RBFOX1: variants seen among roughly 807,000 people sequenced by gnomAD.
RBFOX1 encodes the protein RNA binding fox-1 homolog 1.
RBFOX1 carries 8 observed loss-of-function variants against 57.7 expected under a neutral mutation model. The observed-to-expected ratio is 0.14, with a 90% CI of 0.08 to 0.25. RBFOX1 has a LOEUF of 0.25. Among genes scored for constraint, RBFOX1 ranks in the 10% least tolerant of loss-of-function variants. The pLI is 1.00. For synonymous variants in RBFOX1, 326 were observed against 222.4 expected (o/e 1.47, Z -4.15); for missense variants, 611 against 548.5 (o/e 1.11, Z -1.14).
chr16:5,978,228 C>G (rs1388320752), intron 4 of RBFOX1, among the ~76,000 whole-genome samples: 1 of 144,460 alleles, frequency 6.9e-6, no homozygotes, highest in Non-Finnish European at 1.5e-5. Context: ...GTGGGAGGAT[C>G]ACTTGCACCC....
intron 2 of RBFOX1, among the ~76,000 whole-genome samples, chr16:6,615,456 A>G (rs574729650): frequency 2.0e-5 from 3 of 152,052 alleles, no homozygotes; most frequent in African/African-American, 7.2e-5. Flanking sequence ...TGTAATCCCA[A>G]CTACTTGGGA....
At chr16:6,363,257 A>T (rs538162847) in intron 2 of RBFOX1, among the ~76,000 whole-genome samples, 85 of 152,302 alleles carry the variant, frequency 5.6e-4, no homozygotes, top group African/African-American at 2.0e-3. Context: ...TAGTAAACTT[A>T]GTAAAGCACC....
intron 3 of RBFOX1, among the ~76,000 whole-genome samples, chr16:5,865,133 G>A (rs917256619): frequency 1.3e-5 from 2 of 152,190 alleles, no homozygotes; most frequent in Admixed American, 1.3e-4. Context: ...AAACTCTTTT[G>A]CCCATGGAGC....
chr16:7,600,736 T>G (rs928414642), intron 9 of RBFOX1, among the ~76,000 whole-genome samples: 1 of 152,210 alleles, frequency 6.6e-6, no homozygotes, highest in Non-Finnish European at 1.5e-5. Flanking sequence ...AGAAAAACTT[T>G]TAGCAGCTGC....
chr16:5,629,748 C>G (rs1300427803), intron 3 of RBFOX1, among the ~76,000 whole-genome samples: 1 of 152,186 alleles, frequency 6.6e-6, no homozygotes, highest in Non-Finnish European at 1.5e-5. Flanking sequence ...AGCCGAAGGA[C>G]CTGACGTCAG....
At chr16:6,555,285 C>G (rs776345206) in intron 2 of RBFOX1, among the ~76,000 whole-genome samples, 16 of 152,304 alleles carry the variant, frequency 1.1e-4, no homozygotes, top group Admixed American at 6.5e-4. Context: ...CAAATCCTAT[C>G]CATTGGGCAT....
chr16:6,410,186 G>GTGTA, intron 2 of RBFOX1, among the ~76,000 whole-genome samples: 1 of 151,476 alleles, frequency 6.6e-6, no homozygotes, highest in African/African-American at 2.4e-5. Flanking sequence ...GTGTGTGTGT[G>GTGTA]TGTGTGTGTG....
intron 3 of RBFOX1, among the ~76,000 whole-genome samples, chr16:5,612,067 C>G (rs1281343162): frequency 1.3e-5 from 2 of 151,538 alleles, no homozygotes; most frequent in African/African-American, 2.4e-5. Context: ...TCCATCTAGT[C>G]TCCCACCCAC....
chr16:6,524,070 T>C (rs1326294463), intron 2 of RBFOX1, among the ~76,000 whole-genome samples: 1 of 152,216 alleles, frequency 6.6e-6, no homozygotes, highest in African/African-American at 2.4e-5. Flanking sequence ...AGTCACCCTG[T>C]TGTGCTATCA....
At chr16:7,338,833 G>C (rs973145473) in intron 4 of RBFOX1, among the ~76,000 whole-genome samples, 1 of 152,150 alleles carries the variant, frequency 6.6e-6, no homozygotes, top group African/African-American at 2.4e-5. Context: ...AAAAACAACA[G>C]CTTGTTTGGC....
chr16:5,830,752 G>T (rs371649591), intron 3 of RBFOX1, among the ~76,000 whole-genome samples: 1 of 152,150 alleles, frequency 6.6e-6, no homozygotes, highest in Non-Finnish European at 1.5e-5. Context: ...TGTGCCTGCT[G>T]GACCTTGTGC....
At chr16:5,659,934 A>G (rs945749098) in intron 3 of RBFOX1, among the ~76,000 whole-genome samples, 3 of 152,180 alleles carry the variant, frequency 2.0e-5, no homozygotes, top group East Asian at 1.9e-4. Flanking sequence ...TTGTTATTTA[A>G]TGCATTAATA....
chr16:6,823,723 T>C (rs1442577379), intron 3 of RBFOX1, among the ~76,000 whole-genome samples: 2 of 152,220 alleles, frequency 1.3e-5, no homozygotes, highest in Non-Finnish European at 2.9e-5. Context: ...CATTCAATAT[T>C]TACCACCAAT....
chr16:5,715,235 C>T (rs1384989009), intron 3 of RBFOX1, among the ~76,000 whole-genome samples: 1 of 152,116 alleles, frequency 6.6e-6, no homozygotes, highest in Non-Finnish European at 1.5e-5. Context: ...ATCAGGTCTG[C>T]CTTATTTCGA....
intron 3 of RBFOX1, among the ~76,000 whole-genome samples, chr16:6,997,663 T>C (rs1849669870): frequency 6.6e-6 from 1 of 152,208 alleles, no homozygotes; most frequent in Admixed American, 6.5e-5. Context: ...GTCAGGGTAT[T>C]GTTCGGTTTC....
chr16:6,989,538 A>G (rs1303010623), intron 3 of RBFOX1, among the ~76,000 whole-genome samples: 2 of 152,320 alleles, frequency 1.3e-5, no homozygotes, highest in South Asian at 2.1e-4. Context: ...ATCAATTTAT[A>G]CGTAGTACCA....
At chr16:5,639,440 G>C (rs560981139) in intron 3 of RBFOX1, among the ~76,000 whole-genome samples, 2 of 152,254 alleles carry the variant, frequency 1.3e-5, no homozygotes, top group South Asian at 4.2e-4. Context: ...CAGAAGTCTT[G>C]ATATGAATCA....
intron 3 of RBFOX1, among the ~76,000 whole-genome samples, chr16:6,711,814 C>T (rs933666714): frequency 6.6e-6 from 1 of 152,160 alleles, no homozygotes; most frequent in African/African-American, 2.4e-5. Flanking sequence ...TGTCTATTTC[C>T]TCTACCTGGA....
chr16:6,120,362 C>G (rs983397225), intron 1 of RBFOX1, among the ~76,000 whole-genome samples: 19 of 152,196 alleles, frequency 1.2e-4, no homozygotes, highest in African/African-American at 4.6e-4. Flanking sequence ...AGCTGTTTCC[C>G]ACAGCAGCCA....
Sources: gnomAD v4.1 joint callset for allele counts (sites outside exome capture counted in the v4.1 genomes callset) on GRCh38, gnomAD v4.1.1 for gene constraint, MANE v1.5 for transcripts, NCBI Gene and HGNC (gene_info 2026-07-23, HGNC 2026-07-21) for gene names.